TMEM132D: variants seen among roughly 807,000 people sequenced by gnomAD.
TMEM132D encodes transmembrane protein 132D.
TMEM132D carries 21 observed loss-of-function variants against 62.3 expected under a neutral mutation model. The ratio of observed to expected loss-of-function variants is 0.34; its 90% confidence interval spans 0.24 to 0.49. The LOEUF is 0.49. Ranked by LOEUF, TMEM132D falls within the 20% of genes least tolerant of loss-of-function variation. The pLI is 0.99. For missense variants in TMEM132D, 1,346 were observed against 1,402.8 expected, an observed-to-expected ratio of 0.96 and a Z score of 0.65; for synonymous variants, 621 against 575.6, an observed-to-expected ratio of 1.08 and a Z score of -1.13.
chr12:129,519,069 T>C (rs1345570267), intron 3 of TMEM132D, among the ~76,000 whole-genome samples: 2 of 152,226 alleles, frequency 1.3e-5, no homozygotes, highest in African/African-American at 4.8e-5. Context: ...ATGTTAAAGA[T>C]ACTTTTTCCC....
At chr12:129,841,035 T>C (rs1873177246) in intron 1 of TMEM132D, among the ~76,000 whole-genome samples, 1 of 152,314 alleles carries the variant, frequency 6.6e-6, no homozygotes, top group African/African-American at 2.4e-5. Flanking sequence ...ATTAAGTGTA[T>C]TCAACTTTGT....
At chr12:129,386,351 C>G (rs1356521444) in intron 3 of TMEM132D, among the ~76,000 whole-genome samples, 5 of 152,140 alleles carry the variant, frequency 3.3e-5, no homozygotes, top group African/African-American at 1.2e-4. Context: ...AATGCCAACA[C>G]TACTGACACT....
intron 4 of TMEM132D, among the ~76,000 whole-genome samples, chr12:129,289,030 T>C (rs1881374616): frequency 6.6e-6 from 1 of 151,938 alleles, no homozygotes; most frequent in South Asian, 2.1e-4. Context: ...AGACCTCCTG[T>C]GAATGGAGGT....
At position 129,876,309 on chromosome 12, in the gene TMEM132D, G is replaced by A. The variant is rs185140312; in HGVS notation, c.79+26952C>T. On this transcript the variant is annotated intron_variant, in intron 1 of 8. Transcript: ENST00000422113. ...ATCATTGGGAAGAAGAACTGCCATCGTTTTGTTGATCCTAACAAAGTCCAA... is the reference window on the plus strand; with the variant it reads ...ATCATTGGGAAGAAGAACTGCCATCATTTTGTTGATCCTAACAAAGTCCAA... 3.9e-4 allele frequency among the ~76,000 whole-genome samples: 60 copies of A among 152,274 alleles called. No homozygotes were observed. The East Asian group carries it at 7.7e-3, about 20-fold the overall frequency.
At chr12:129,168,240 C>T (rs1877620178) in intron 5 of TMEM132D, among the ~76,000 whole-genome samples, 2 of 122,578 alleles carry the variant, frequency 1.6e-5, no homozygotes, top group African/African-American at 8.5e-5. Flanking sequence ...CAATCCATCT[C>T]CTCTTTTGGG....
At chr12:129,497,377 C>T (rs1874990843) in intron 3 of TMEM132D, among the ~76,000 whole-genome samples, 1 of 152,134 alleles carries the variant, frequency 6.6e-6, no homozygotes, top group Admixed American at 6.5e-5. Flanking sequence ...CTTTGAAACT[C>T]TAGCTTGTGA....
At chr12:129,141,476 T>C (rs11614752) in intron 5 of TMEM132D, among the ~76,000 whole-genome samples, 56,146 of 152,070 alleles carry the variant, frequency 0.37, 11,359 homozygotes, top group Non-Finnish European at 0.45. Flanking sequence ...AAACTCAAAC[T>C]GTGTAACATG....
intron 1 of TMEM132D, among the ~76,000 whole-genome samples, chr12:129,824,200 T>C (rs904611294): frequency 3.9e-5 from 6 of 152,236 alleles, no homozygotes; most frequent in African/African-American, 1.4e-4. Flanking sequence ...AGGTAAAGTT[T>C]TGAAGCAGTT....
rs751072517 is a variant in TMEM132D at position 129,209,522 on chromosome 12, T to G, written c.1441A>C (p.Lys481Gln). The G allele has an allele frequency of 6.3e-7, 1 of 1,587,872 alleles. No homozygotes were observed. The highest frequency in any genetic ancestry group is 1.7e-5 in the Admixed American group (1 of 57,592). Reference sequence around the variant, plus strand: ...GGGGCGGGGAGGTGTCAACTTGCCTTAATCACGTCTTCATCAGACGATCTA... The same window carrying G: ...GGGGCGGGGAGGTGTCAACTTGCCTGAATCACGTCTTCATCAGACGATCTA... ...ECRSSDEDVI[K>Q]VSDRCDYVFV... Residue 481 changes from lysine (K) to glutamine (Q), a missense_variant and splice_region_variant, in exon 5 of 9, where the codon AAG becomes CAG. Coordinates refer to ENST00000422113, the MANE Select transcript of TMEM132D (RefSeq NM_133448.3).
intron 4 of TMEM132D, among the ~76,000 whole-genome samples, chr12:129,288,285 A>C (rs1881359896): frequency 6.6e-6 from 1 of 152,246 alleles, no homozygotes; most frequent in African/African-American, 2.4e-5. Flanking sequence ...AAGAAAAATA[A>C]ACAGAGGAAG....
At chr12:129,423,447 C>T (rs1026500192) in intron 3 of TMEM132D, among the ~76,000 whole-genome samples, 1 of 152,080 alleles carries the variant, frequency 6.6e-6, no homozygotes, top group African/African-American at 2.4e-5. Context: ...TCTGGTTCTT[C>T]TAGGGTTGGG....
intron 4 of TMEM132D, among the ~76,000 whole-genome samples, chr12:129,314,822 T>C (rs1868431312): frequency 6.6e-6 from 1 of 152,140 alleles, no homozygotes; most frequent in South Asian, 2.1e-4. Flanking sequence ...GTTTTCCTTG[T>C]AGAGGTCTTT....
At chr12:129,482,621 A>G (rs995505721) in intron 3 of TMEM132D, among the ~76,000 whole-genome samples, 5 of 152,220 alleles carry the variant, frequency 3.3e-5, no homozygotes, top group African/African-American at 1.2e-4. Flanking sequence ...TCTGGTAATT[A>G]AAGAAAATCA....
intron 1 of TMEM132D, among the ~76,000 whole-genome samples, chr12:129,885,611 T>A (rs1012494133): frequency 6.6e-6 from 1 of 152,252 alleles, no homozygotes; most frequent in Non-Finnish European, 1.5e-5. Flanking sequence ...CTTCCCACAC[T>A]ACTGCTCCTG....
chr12:129,659,935 G>A (rs1565939920), intron 2 of TMEM132D, among the ~76,000 whole-genome samples: 1 of 152,162 alleles, frequency 6.6e-6, no homozygotes, highest in Non-Finnish European at 1.5e-5. Flanking sequence ...AAGTGGATGG[G>A]ATTACCAGGA....
At chr12:129,821,705 C>A (rs1872545847) in intron 1 of TMEM132D, among the ~76,000 whole-genome samples, 1 of 152,218 alleles carries the variant, frequency 6.6e-6, no homozygotes, top group African/African-American at 2.4e-5. Context: ...CACCCTTCAA[C>A]ACACAGGTGC....
chr12:129,260,827 G>C lies in TMEM132D; in HGVS notation c.1300-51164C>G, dbSNP rs138088997. Among the ~76,000 whole-genome samples the C allele has an allele frequency of 5.3e-5, 8 of 152,266 alleles. No homozygotes were observed. The East Asian group carries it at 1.4e-3, about 26-fold the overall frequency. ...AATGGCCTCCAGCTCCATCTAAGTT[G>C]CTGGAAAAGACATTGTATCATTCAT... On this transcript the variant is annotated intron_variant, in intron 4 of 8. Coordinates refer to ENST00000422113, the MANE Select transcript of TMEM132D (RefSeq NM_133448.3).
chr12:129,552,465 T>G (rs1334700939), intron 2 of TMEM132D, among the ~76,000 whole-genome samples: 1 of 152,128 alleles, frequency 6.6e-6, no homozygotes. Context: ...CATCTGTTTA[T>G]ATTCATTATC....
Position 129,148,610 on chromosome 12 carries a change from A to G in TMEM132D, c.1443+60910T>C, listed in dbSNP as rs546892675. Reference sequence around the variant, plus strand: ...CCTTGATTTATTCCCCATAGGACCCATGTTTGGACTTCTGACTTCCAGATC... The same window carrying G: ...CCTTGATTTATTCCCCATAGGACCCGTGTTTGGACTTCTGACTTCCAGATC... On this transcript the variant is annotated intron_variant, in intron 5 of 8. Coordinates refer to ENST00000422113, the MANE Select transcript of TMEM132D (RefSeq NM_133448.3). Among the ~76,000 whole-genome samples, 9 of 152,244 alleles carry G rather than the reference A, an allele frequency of 5.9e-5. No individual in the cohort carries two copies. The East Asian group carries it at 1.7e-3, about 29-fold the overall frequency.
Sources: allele counts gnomAD v4.1 joint callset (sites outside exome capture counted in the v4.1 genomes callset), GRCh38; gene constraint gnomAD v4.1.1; transcripts MANE v1.5; gene names NCBI Gene and HGNC (gene_info 2026-07-23, HGNC 2026-07-21).